The following CSNK1G3 variants were observed in gnomAD, a reference collection of about 807,000 sequenced individuals.
The protein encoded by CSNK1G3 is casein kinase I isoform gamma-3.
Under a neutral mutation model 64.3 loss-of-function variants are expected in CSNK1G3, and 23 were observed. The ratio of observed to expected loss-of-function variants is 0.36; its 90% confidence interval spans 0.26 to 0.51. The LOEUF is 0.51. Among genes scored for constraint, CSNK1G3 ranks in the 20% least tolerant of loss-of-function variants. The pLI is 0.96. For synonymous variants in CSNK1G3, 158 were observed against 162.2 expected (o/e 0.97, Z 0.20); for missense variants, 357 against 510.5 (o/e 0.70, Z 2.90).
At chr5:123,537,696 A>G (rs1781070126) in intron 1 of CSNK1G3, among the ~76,000 whole-genome samples, 1 of 152,148 alleles carries the variant, frequency 6.6e-6, no homozygotes, top group African/African-American at 2.4e-5. Context: ...TCATATTTTG[A>G]GATGCAATTT....
intron 1 of CSNK1G3, among the ~76,000 whole-genome samples, chr5:123,533,794 C>T (rs990202465): frequency 7.9e-5 from 12 of 151,462 alleles, no homozygotes; most frequent in Admixed American, 2.6e-4. Context: ...ATATGATCTG[C>T]TTCCCCCAGA....
At chr5:123,569,253 G>A (rs1358622066) in intron 4 of CSNK1G3, among the ~76,000 whole-genome samples, 2 of 152,172 alleles carry the variant, frequency 1.3e-5, no homozygotes, top group South Asian at 2.1e-4. Flanking sequence ...CTCCAAAAAT[G>A]TGCTGCTTTC....
intron 4 of CSNK1G3, among the ~76,000 whole-genome samples, chr5:123,562,919 G>GTA (rs1786059041): frequency 6.6e-6 from 1 of 152,014 alleles, no homozygotes; most frequent in Non-Finnish European, 1.5e-5. Flanking sequence ...TTGAAAGTAA[G>GTA]TATATCTGAA....
At chr5:123,591,727 A>G (rs1792405890) in intron 10 of CSNK1G3, among the ~76,000 whole-genome samples, 2 of 152,072 alleles carry the variant, frequency 1.3e-5, no homozygotes, top group South Asian at 4.1e-4. Flanking sequence ...AGTTCAATAA[A>G]TTATTTATTG....
intron 1 of CSNK1G3, among the ~76,000 whole-genome samples, chr5:123,515,798 C>T (rs1331073855): frequency 6.6e-6 from 1 of 152,024 alleles, no homozygotes; most frequent in African/African-American, 2.4e-5. Flanking sequence ...ATTTGTGTTC[C>T]CTTCAACCTC....
At chr5:123,521,232 T>C (rs1485417902) in intron 1 of CSNK1G3, among the ~76,000 whole-genome samples, 3 of 152,110 alleles carry the variant, frequency 2.0e-5, no homozygotes, top group Non-Finnish European at 2.9e-5. Flanking sequence ...ACAGTCTGAC[T>C]CTCCCTACTC....
At chr5:123,544,117 T>C (rs1181048582) in intron 1 of CSNK1G3, among the ~76,000 whole-genome samples, 1 of 152,084 alleles carries the variant, frequency 6.6e-6, no homozygotes, top group Non-Finnish European at 1.5e-5. Context: ...CCTCTGCTAA[T>C]AGAAAAGTGC....
At chr5:123,561,412 A>T (rs1785682691) in intron 4 of CSNK1G3, among the ~76,000 whole-genome samples, 1 of 152,204 alleles carries the variant, frequency 6.6e-6, no homozygotes, top group Non-Finnish European at 1.5e-5. Context: ...TCCATTGGAT[A>T]TAAATAGATT....
chr5:123,545,962 A>G (rs946040536), intron 2 of CSNK1G3, 121 bp downstream of exon 2: 5 of 882,206 alleles, frequency 5.7e-6, no homozygotes, highest in Non-Finnish European at 8.6e-6. Flanking sequence ...GTAATTTTAA[A>G]GAATAAAGAT....
intron 12 of CSNK1G3, among the ~76,000 whole-genome samples, chr5:123,607,895 A>G (rs1351841607): frequency 2.0e-5 from 3 of 152,096 alleles, no homozygotes; most frequent in East Asian, 3.8e-4. Context: ...TTATTCTGAC[A>G]TTTCTACACG....
chr5:123,543,330 A>G (rs1427738512), intron 1 of CSNK1G3, among the ~76,000 whole-genome samples: 1 of 151,964 alleles, frequency 6.6e-6, no homozygotes, highest in African/African-American at 2.4e-5. Context: ...AATGCCTGGG[A>G]TATTAGTGAG....
At chr5:123,592,489 TCGA>T (rs2150996796) in intron 10 of CSNK1G3, among the ~76,000 whole-genome samples, 1 of 152,108 alleles carries the variant, frequency 6.6e-6, no homozygotes, top group South Asian at 2.1e-4. Context: ...AAAAGTTTTA[TCGA>T]AGACATCTTT....
At chr5:123,547,769 T>C (rs527990114) in intron 2 of CSNK1G3, among the ~76,000 whole-genome samples, 5 of 152,232 alleles carry the variant, frequency 3.3e-5, no homozygotes, top group Non-Finnish European at 5.9e-5. Context: ...TGTATACTTA[T>C]AATATGTACG....
chr5:123,567,531 G>A (rs150183352), intron 4 of CSNK1G3, among the ~76,000 whole-genome samples: 175 of 152,212 alleles, frequency 1.1e-3, no homozygotes, highest in African/African-American at 3.9e-3. Flanking sequence ...CACTTGAACC[G>A]TGAAGTGGAG....
intron 10 of CSNK1G3, among the ~76,000 whole-genome samples, chr5:123,596,403 A>G (rs1019795505): frequency 3.9e-5 from 6 of 152,052 alleles, no homozygotes; most frequent in African/African-American, 1.4e-4. Flanking sequence ...GTATCTGTAT[A>G]TGTTTACATG....
At chr5:123,530,539 T>G (rs71594348) in intron 1 of CSNK1G3, among the ~76,000 whole-genome samples, 20 of 152,296 alleles carry the variant, frequency 1.3e-4, no homozygotes, top group Non-Finnish European at 2.9e-4. Context: ...ATATGTACTT[T>G]CCATTTTCTT....
chr5:123,520,132 T>C (rs1261346159), intron 1 of CSNK1G3, among the ~76,000 whole-genome samples: 2 of 152,200 alleles, frequency 1.3e-5, no homozygotes, highest in African/African-American at 4.8e-5. Flanking sequence ...ATCTTAAACC[T>C]AGCCTGCTTA....
At chr5:123,524,947 C>A (rs1778772832) in intron 1 of CSNK1G3, among the ~76,000 whole-genome samples, 1 of 152,166 alleles carries the variant, frequency 6.6e-6, no homozygotes, top group African/African-American at 2.4e-5. Context: ...CAGGCACTCT[C>A]TAGATCCTAA....
chr5:123,583,537 T>C (rs1405354113), intron 6 of CSNK1G3, among the ~76,000 whole-genome samples: 13 of 152,070 alleles, frequency 8.5e-5, no homozygotes, highest in African/African-American at 3.1e-4. Context: ...ATTTTTTTTG[T>C]ATTTTTAGTA....
Sources: gnomAD v4.1 joint callset for allele counts (sites outside exome capture counted in the v4.1 genomes callset) on GRCh38, gnomAD v4.1.1 for gene constraint, MANE v1.5 for transcripts, NCBI Gene and HGNC (gene_info 2026-07-23, HGNC 2026-07-21) for gene names.